Variants in FGF13 observed in about 807,000 individuals in gnomAD.
FGF13 encodes the protein fibroblast growth factor homologous factor 2.
FGF13 carries 2 observed loss-of-function variants against 19.5 expected under a neutral mutation model. The ratio of observed to expected loss-of-function variants is 0.10; its 90% CI spans 0.04 to 0.32. The LOEUF is 0.32. Ranked by LOEUF, FGF13 falls within the 10% of genes least tolerant of loss-of-function variation. The pLI is 1.00. For missense variants in FGF13, 113 were observed against 192.7 expected (o/e 0.59, Z 2.45); for synonymous variants, 72 against 76.9 (o/e 0.94, Z 0.33).
intron 4 of FGF13, among the ~76,000 whole-genome samples, chrX:138,634,992 T>A (rs893497309): frequency 6.3e-5 from 7 of 111,950 alleles, no homozygotes; most frequent in African/African-American, 9.8e-5. Context: ...GGAACCAACT[T>A]AAGTGCCCAT....
At chrX:139,183,745 C>T (rs1356852412) in intron 1 of FGF13, among the ~76,000 whole-genome samples, 2 of 112,017 alleles carry the variant, frequency 1.8e-5, no homozygotes, top group African/African-American at 3.2e-5. Flanking sequence ...CTTCCAGTCT[C>T]AGGAATTCCT....
rs182636550 is a variant in FGF13, at chrX:138,867,690, C to T, written c.-112-3040G>A. On this transcript the variant is annotated intron_variant, in intron 1 of 2. Transcript: ENST00000421460. ...CCCCCATGATTCAATTATCTCCCAC[C>T]GGGTCTCTCCCACAATATGTGGGAA... 6.3e-5 allele frequency among the ~76,000 whole-genome samples: 7 copies of T among 111,248 alleles called. No homozygotes were observed. In the East Asian group the frequency reaches 1.1e-3, roughly 18 times the overall value.
chrX:138,652,314 C>T (rs949733507), intron 3 of FGF13, among the ~76,000 whole-genome samples: 1 of 111,264 alleles, frequency 9.0e-6, no homozygotes, highest in Non-Finnish European at 1.9e-5. Context: ...CTTATCTCTC[C>T]GCACTCTCTA....
intron 1 of FGF13, among the ~76,000 whole-genome samples, chrX:138,733,165 A>G (rs939867316): frequency 1.8e-5 from 2 of 111,874 alleles, no homozygotes; most frequent in African/African-American, 6.5e-5. Flanking sequence ...AAATCAGATT[A>G]TTTTATTTTA....
chrX:139,146,972 G>A (rs749127432), intron 1 of FGF13, among the ~76,000 whole-genome samples: 2 of 107,805 alleles, frequency 1.9e-5, no homozygotes, highest in East Asian at 5.9e-4. Flanking sequence ...CCTGTCGTGG[G>A]GTGGGGGAGG....
At chrX:138,984,426 A>C (rs926414508) in intron 1 of FGF13, among the ~76,000 whole-genome samples, 3 of 102,596 alleles carry the variant, frequency 2.9e-5, no homozygotes, top group Non-Finnish European at 5.9e-5. Context: ...CAAAGGAAGA[A>C]GAAGAAAGAA....
chrX:139,150,816 A>C (rs2083928570), intron 1 of FGF13, among the ~76,000 whole-genome samples: 1 of 111,733 alleles, frequency 8.9e-6, no homozygotes, highest in Admixed American at 9.5e-5. Context: ...CAAGAACTCC[A>C]AGGAGCAGCC....
chrX:138,644,289 CTTTTT>C (rs2089283085), intron 3 of FGF13, among the ~76,000 whole-genome samples: 1 of 108,217 alleles, frequency 9.2e-6, no homozygotes, highest in African/African-American at 3.4e-5. Flanking sequence ...TTTTTCTTTT[CTTTTT>C]TGAGATGGAG....
intron 3 of FGF13, among the ~76,000 whole-genome samples, chrX:138,813,810 G>C (rs1293206657): frequency 9.0e-6 from 1 of 111,657 alleles, no homozygotes; most frequent in Non-Finnish European, 1.9e-5. Context: ...AGTCATGACT[G>C]TCATCTCTTA....
chrX:138,714,822 A>T (rs754590395), upstream of FGF13: 10 of 112,178 alleles, frequency 8.9e-5, no homozygotes, highest in Non-Finnish European at 1.9e-4. Flanking sequence ...ATAATGAAAG[A>T]ATTGCAGCCA....
chrX:138,950,645 G>A (rs765535505), intron 1 of FGF13, among the ~76,000 whole-genome samples: 1 of 111,974 alleles, frequency 8.9e-6, no homozygotes, highest in Non-Finnish European at 1.9e-5. Flanking sequence ...AGCATTACAT[G>A]TATTCCTTCA....
At chrX:138,994,799 G>A (rs896231606) in intron 1 of FGF13, among the ~76,000 whole-genome samples, 3 of 109,356 alleles carry the variant, frequency 2.7e-5, no homozygotes, top group Non-Finnish European at 3.8e-5. Context: ...ACAATGTTAC[G>A]TGTTGAAAAG....
intron 1 of FGF13, among the ~76,000 whole-genome samples, chrX:139,133,182 G>A (rs1023522132): frequency 9.1e-6 from 1 of 109,702 alleles, no homozygotes; most frequent in Non-Finnish European, 1.9e-5. Flanking sequence ...TCAGCATGTT[G>A]AAAGACTAAT....
intron 1 of FGF13, among the ~76,000 whole-genome samples, chrX:138,995,004 C>G (rs2092035533): frequency 9.9e-6 from 1 of 101,487 alleles, no homozygotes; most frequent in South Asian, 4.6e-4. Flanking sequence ...AAAAAAAAAG[C>G]ATCTTCAGTC....
At chrX:138,905,988 T>C (rs1603019899) in intron 1 of FGF13, among the ~76,000 whole-genome samples, 1 of 111,517 alleles carries the variant, frequency 9.0e-6, no homozygotes, top group Non-Finnish European at 1.9e-5. Flanking sequence ...GTTAAGCAGA[T>C]GGAAATGAAA....
At chrX:138,810,000 T>C (rs2090907587) in intron 3 of FGF13, among the ~76,000 whole-genome samples, 2 of 111,470 alleles carry the variant, frequency 1.8e-5, no homozygotes, top group South Asian at 3.8e-4. Flanking sequence ...ATCAATATTG[T>C]GAAAATGGCC....
chrX:139,050,319 C>A (rs759420077), intron 1 of FGF13, among the ~76,000 whole-genome samples: 1 of 111,941 alleles, frequency 8.9e-6, no homozygotes, highest in Non-Finnish European at 1.9e-5. Context: ...ATCTTCAAGA[C>A]ATTATCTTCT....
At chrX:138,718,922 T>C (rs984040534) in intron 1 of FGF13, among the ~76,000 whole-genome samples, 7 of 112,369 alleles carry the variant, frequency 6.2e-5, no homozygotes, top group Non-Finnish European at 1.3e-4. Flanking sequence ...TGCTATAACC[T>C]TAATCCCTTT....
At chrX:138,878,771 T>C (rs1181425622) in intron 1 of FGF13, among the ~76,000 whole-genome samples, 1 of 111,476 alleles carries the variant, frequency 9.0e-6, no homozygotes, top group Non-Finnish European at 1.9e-5. Flanking sequence ...CCACCAACAG[T>C]GTAAAAGTGT....
Sources: gnomAD v4.1 joint callset for allele counts (sites outside exome capture counted in the v4.1 genomes callset) on GRCh38, gnomAD v4.1.1 for gene constraint, MANE v1.5 for transcripts, NCBI Gene and HGNC (gene_info 2026-07-23, HGNC 2026-07-21) for gene names.